Variants in CNTN5 observed in about 807,000 individuals in gnomAD.
The protein encoded by CNTN5 is contactin 5.
In CNTN5, 77 loss-of-function variants were observed where a neutral mutation model predicts 129.1. The ratio of observed to expected loss-of-function variants is 0.60; its 90% CI spans 0.50 to 0.72. The LOEUF (loss-of-function observed/expected upper bound fraction) is 0.72, where lower values mean the gene tolerates loss of function less well. CNTN5 is among the 30% of genes least tolerant of loss of function. CNTN5 has a pLI of 0.00. For synonymous variants in CNTN5, 509 were observed against 465.6 expected (o/e 1.09, Z -1.20); for missense variants, 1,478 against 1,328.8 (o/e 1.11, Z -1.75).
At chr11:99,557,864 C>T (rs1478509614) in intron 3 of CNTN5, among the ~76,000 whole-genome samples, 1 of 151,526 alleles carries the variant, frequency 6.6e-6, no homozygotes, top group Non-Finnish European at 1.5e-5. Flanking sequence ...CTGCAGCATA[C>T]CTGCACTCAT....
chr11:100,218,648 C>A (rs928323954), intron 15 of CNTN5, among the ~76,000 whole-genome samples: 2 of 152,180 alleles, frequency 1.3e-5, no homozygotes, highest in Admixed American at 6.5e-5. Flanking sequence ...AATTACGTAG[C>A]CAGTCCTGGT....
chr11:100,002,839 G>A (rs963879145), intron 9 of CNTN5, among the ~76,000 whole-genome samples: 1 of 134,874 alleles, frequency 7.4e-6, no homozygotes, highest in African/African-American at 3.2e-5. Flanking sequence ...TTTAAACAGA[G>A]TGTTGTTTTC....
chr11:100,055,641 C>T (rs995733325), intron 9 of CNTN5, among the ~76,000 whole-genome samples: 1 of 151,558 alleles, frequency 6.6e-6, no homozygotes, highest in African/African-American at 2.4e-5. Flanking sequence ...TCCATTGCTG[C>T]TGTTGAAAAG....
chr11:99,790,741 T>C (rs1172580375), intron 3 of CNTN5, among the ~76,000 whole-genome samples: 5 of 152,096 alleles, frequency 3.3e-5, no homozygotes, highest in Non-Finnish European at 5.9e-5. Flanking sequence ...CTCTGAGAAA[T>C]TGTCAAACAA....
chr11:100,083,169 T>C (rs1437465204), intron 13 of CNTN5, among the ~76,000 whole-genome samples: 1 of 151,760 alleles, frequency 6.6e-6, no homozygotes, highest in Non-Finnish European at 1.5e-5. Flanking sequence ...TACAAAAAAT[T>C]AGCTGGGCGT....
chr11:99,217,269 A>G (rs979288096), intron 1 of CNTN5, among the ~76,000 whole-genome samples: 1 of 61,978 alleles, frequency 1.6e-5, no homozygotes, highest in African/African-American at 6.7e-5. Context: ...TCGGCAAAAG[A>G]TCTGTCTTAA....
At chr11:99,663,694 C>T (rs1952680765) in intron 3 of CNTN5, among the ~76,000 whole-genome samples, 1 of 152,028 alleles carries the variant, frequency 6.6e-6, no homozygotes, top group Non-Finnish European at 1.5e-5. Flanking sequence ...GAGCTCTTAC[C>T]CCTTTGCTCT....
At chr11:99,766,064 T>C (rs1310810552) in intron 3 of CNTN5, among the ~76,000 whole-genome samples, 2 of 152,062 alleles carry the variant, frequency 1.3e-5, no homozygotes, top group East Asian at 3.9e-4. Context: ...TCAAATGTTA[T>C]TGCAAATAAT....
intron 2 of CNTN5, among the ~76,000 whole-genome samples, chr11:99,339,659 G>A (rs1308730537): frequency 6.6e-6 from 1 of 152,128 alleles, no homozygotes; most frequent in Non-Finnish European, 1.5e-5. Context: ...GCAGGCGCCT[G>A]TAGTCCCATC....
intron 2 of CNTN5, among the ~76,000 whole-genome samples, chr11:99,509,729 T>C (rs1318481626): frequency 6.6e-6 from 1 of 151,994 alleles, no homozygotes; most frequent in African/African-American, 2.4e-5. Flanking sequence ...ATAAAAAATA[T>C]TTTACTGAGA....
intron 1 of CNTN5, chr11:99,049,530 G>A (rs1469181063): frequency 6.6e-6 from 1 of 152,092 alleles, no homozygotes; most frequent in Non-Finnish European, 1.5e-5. Flanking sequence ...AAATTCTCCA[G>A]ATAAAGAACA....
chr11:100,052,415 T>C (rs985103167), intron 9 of CNTN5, among the ~76,000 whole-genome samples: 7 of 151,754 alleles, frequency 4.6e-5, no homozygotes, highest in African/African-American at 1.4e-4. Flanking sequence ...AACCTGCCTC[T>C]GATTGGAGGT....
intron 13 of CNTN5, among the ~76,000 whole-genome samples, chr11:100,134,197 C>A (rs1946458714): frequency 6.6e-6 from 1 of 152,064 alleles, no homozygotes; most frequent in Non-Finnish European, 1.5e-5. Flanking sequence ...CAAAAATAAA[C>A]TTATTGAGCA....
rs1224464296 is a variant in CNTN5, at chr11:99,252,916, A to C, written c.-209-72430A>C. Among the ~76,000 whole-genome samples, 22 of 151,066 alleles carry C rather than the reference A, an allele frequency of 1.5e-4. No individual in the cohort carries two copies. The Admixed American group carries it at 1.5e-3, about 10-fold the overall frequency. The stretch of plus-strand genomic sequence containing the variant: ...TGTACATTTTGTGTCTTCTTCATTA[A>C]TATTCTTATTATGATGCTATAGCAA... On this transcript the variant is annotated intron_variant, in intron 1 of 24. Coordinates refer to ENST00000524871, the MANE Select transcript of CNTN5 (RefSeq NM_014361.4).
chr11:99,320,043 C>G (rs956168038), intron 1 of CNTN5, among the ~76,000 whole-genome samples: 1 of 152,104 alleles, frequency 6.6e-6, no homozygotes, highest in African/African-American at 2.4e-5. Flanking sequence ...AGTTCGAGAC[C>G]AGCCTGGCCA....
At chr11:99,098,826 G>C (rs1044921936) in intron 1 of CNTN5, among the ~76,000 whole-genome samples, 14 of 152,036 alleles carry the variant, frequency 9.2e-5, no homozygotes, top group African/African-American at 3.1e-4. Context: ...AGATACTAAT[G>C]GTTTCACACT....
chr11:99,788,199 TTTCTTAAC>T (rs1945605852), intron 3 of CNTN5, among the ~76,000 whole-genome samples: 1 of 151,968 alleles, frequency 6.6e-6, no homozygotes, highest in Non-Finnish European at 1.5e-5. Context: ...CTATTTTTAG[TTTCTTAAC>T]TTCAACATCT....
intron 3 of CNTN5, among the ~76,000 whole-genome samples, chr11:99,579,365 A>G (rs11220530): frequency 0.87 from 132,002 of 150,946 alleles, 57,819 homozygotes; most frequent in East Asian, 1. Context: ...AATTCTGTGA[A>G]GAAAGTCATT....
intron 2 of CNTN5, among the ~76,000 whole-genome samples, chr11:99,414,177 T>C (rs909676867): frequency 6.6e-6 from 1 of 152,198 alleles, no homozygotes; most frequent in Non-Finnish European, 1.5e-5. Flanking sequence ...AACTATGTCT[T>C]ATAACGCATT....
Sources: allele counts gnomAD v4.1 joint callset (sites outside exome capture counted in the v4.1 genomes callset), GRCh38; gene constraint gnomAD v4.1.1; transcripts MANE v1.5; gene names NCBI Gene and HGNC (gene_info 2026-07-23, HGNC 2026-07-21).